ASH1L: variants seen among roughly 807,000 people sequenced by gnomAD.
ASH1L encodes the protein ASH1 like histone lysine methyltransferase, also known as histone-lysine N-methyltransferase ASH1L.
Under a neutral mutation model 269.0 loss-of-function variants are expected in ASH1L, and 23 were observed. That is an observed-to-expected ratio of 0.09 (90% CI 0.06 to 0.12). The LOEUF is 0.12. ASH1L is among the 10% of genes least tolerant of loss of function. ASH1L has a pLI of 1.00. For synonymous variants in ASH1L, 1,187 were observed against 1,253.5 expected (o/e 0.95, Z 1.12); for missense variants, 2,912 against 3,567.8 (o/e 0.82, Z 4.68).
At chr1:155,361,533 A>C (rs1372803837) in intron 12 of ASH1L, among the ~76,000 whole-genome samples, 9 of 146,928 alleles carry the variant, frequency 6.1e-5, no homozygotes, top group African/African-American at 2.3e-4. Flanking sequence ...AAAAAAAAAA[A>C]AAAAAAAAAA....
At chr1:155,507,190 G>T (rs1394338052) in intron 2 of ASH1L, among the ~76,000 whole-genome samples, 1 of 150,696 alleles carries the variant, frequency 6.6e-6, no homozygotes, top group Non-Finnish European at 1.5e-5. Context: ...TGAGGCAGGA[G>T]AATCGCTTGA....
chr1:155,450,940 G>A (rs1359716869), intron 4 of ASH1L, among the ~76,000 whole-genome samples: 1 of 152,200 alleles, frequency 6.6e-6, no homozygotes, highest in Non-Finnish European at 1.5e-5. Flanking sequence ...GCTCACACCT[G>A]TAATCCCAGC....
intron 1 of ASH1L, among the ~76,000 whole-genome samples, chr1:155,533,500 T>A (rs147388035): frequency 0.01 from 1,521 of 151,016 alleles, 26 homozygotes; most frequent in African/African-American, 0.035. Context: ...GATCATGAGG[T>A]CAGGAGTTTG....
At chr1:155,355,915 G>GTTTTTTTTTTTTTTTGCTTTTTTTTT (rs1654338359) in intron 15 of ASH1L, among the ~76,000 whole-genome samples, 1 of 116,156 alleles carries the variant, frequency 8.6e-6, no homozygotes, top group Admixed American at 8.6e-5. Flanking sequence ...CAGGTATTCT[G>GTTTTTTTTTTTTTTTGCTTTTTTTTT]TTTTTTTTTT....
chr1:155,436,954 A>G (rs1662150139), intron 5 of ASH1L, among the ~76,000 whole-genome samples: 1 of 152,152 alleles, frequency 6.6e-6, no homozygotes, highest in South Asian at 2.1e-4. Flanking sequence ...ACCCTGCTGA[A>G]TGGTTTTGGC....
chr1:155,471,027 C>T (rs888426219), intron 3 of ASH1L, among the ~76,000 whole-genome samples: 2 of 152,172 alleles, frequency 1.3e-5, no homozygotes, highest in African/African-American at 4.8e-5. Context: ...TTCTGCTTAA[C>T]TAAAAACTTT....
intron 12 of ASH1L, among the ~76,000 whole-genome samples, chr1:155,367,896 T>C (rs761967616): frequency 2.0e-5 from 3 of 152,214 alleles, no homozygotes; most frequent in Admixed American, 6.6e-5. Flanking sequence ...TCTATGTTCA[T>C]GGAACACACT....
rs1286721720 is a variant in ASH1L, at chr1:155,479,756, A to G, written c.3114T>C (p.Asn1038=). 1.9e-6 allele frequency: 3 copies of G among 1,614,060 alleles called. No homozygotes were observed. Among genetic ancestry groups the G allele is most frequent in the Admixed American group, 1.7e-5 (1 of 60,008 alleles). The change falls in exon 3 of 28, where the codon AAT becomes AAC. Residue 1038 remains asparagine, a synonymous_variant. Coordinates refer to ENST00000392403, the MANE Select transcript of ASH1L (RefSeq NM_018489.3). Reference sequence around the variant, plus strand: ...TATAAATGGTTCCTTTCTTGCTGACATTTATCTGTTGGCCCAATTTAGAGC... The same window carrying G: ...TATAAATGGTTCCTTTCTTGCTGACGTTTATCTGTTGGCCCAATTTAGAGC... ...TFGSKLGQQI[N]VSKKGTIYIG... is the part of the protein sequence containing the mutation.
At chr1:155,546,227 AG>A (rs143756758) in intron 1 of ASH1L, among the ~76,000 whole-genome samples, 3,023 of 150,070 alleles carry the variant, frequency 0.02, 101 homozygotes, top group African/African-American at 0.071. Flanking sequence ...GCTACGTGGT[AG>A]GCTGAGGCAG....
At chr1:155,516,730 C>T (rs997379166) in intron 2 of ASH1L, among the ~76,000 whole-genome samples, 1 of 151,770 alleles carries the variant, frequency 6.6e-6, no homozygotes, top group East Asian at 1.9e-4. Flanking sequence ...GCCACTGCCC[C>T]TCCAGCATGG....
chr1:155,348,973 T>C (rs1350448865), intron 19 of ASH1L, among the ~76,000 whole-genome samples: 1 of 151,728 alleles, frequency 6.6e-6, no homozygotes, highest in African/African-American at 2.4e-5. Context: ...TGCATATTTC[T>C]GTATATTTCA....
At chr1:155,496,183 ATT>A (rs1032793637) in intron 2 of ASH1L, among the ~76,000 whole-genome samples, 5 of 152,150 alleles carry the variant, frequency 3.3e-5, no homozygotes, top group Non-Finnish European at 7.4e-5. Flanking sequence ...AAATTTTTAA[ATT>A]TGTTTTTACC....
Position 155,372,136 on chromosome 1 carries a change from C to T in ASH1L, c.6333-1153G>A, listed in dbSNP as rs185717750. Among the ~76,000 whole-genome samples the T allele has an allele frequency of 1.4e-3, 205 of 150,304 alleles. 1 individual carries two copies. The highest frequency in any genetic ancestry group is 4.5e-3 in the African/African-American group (185 of 40,802). On this transcript the variant is annotated intron_variant, in intron 10 of 27. Coordinates refer to ENST00000392403, the MANE Select transcript of ASH1L (RefSeq NM_018489.3). ...CTACTGCCTTATCTGGGATTACAGGCGCATACCACAACACCCGGGTAATTT... is the reference window on the plus strand; with the variant it reads ...CTACTGCCTTATCTGGGATTACAGGTGCATACCACAACACCCGGGTAATTT...
intron 25 of ASH1L, among the ~76,000 whole-genome samples, chr1:155,341,672 A>G (rs1652832948): frequency 6.6e-6 from 1 of 152,174 alleles, no homozygotes; most frequent in African/African-American, 2.4e-5. Context: ...AATCTACAGA[A>G]TGGGGCTCGC....
rs765775951 is a variant in ASH1L at position 155,336,415 on chromosome 1, ACAC to A, written c.*1242_*1244del. ...TACACACATATATATACACACACACACACAACTTGGCACATTTAAAAACCATCT... is the reference window on the plus strand; with the variant it reads ...TACACACATATATATACACACACACAAACTTGGCACATTTAAAAACCATCT... On this transcript the variant is annotated 3_prime_UTR_variant, in exon 28 of 28. Coordinates refer to ENST00000392403, the MANE Select transcript of ASH1L (RefSeq NM_018489.3). The A allele has an allele frequency of 3.9e-5, 6 of 152,658 alleles. No individual in the cohort carries two copies. Among genetic ancestry groups the A allele is most frequent in the South Asian group, 2.1e-4 (1 of 4,828 alleles). 9.5% of individuals were successfully genotyped at this position (152,658 alleles called of 1,614,324 possible). A position where few individuals can be genotyped will look rare whatever the true frequency, so the allele number is the denominator to read the frequency against.
rs150340214 is a variant in ASH1L, at chr1:155,375,585, G to A, written c.6332+2696C>T. On this transcript the variant is annotated intron_variant, in intron 10 of 27. Transcript: ENST00000392403. The stretch of plus-strand genomic sequence containing the variant: ...GAGGATCACCTGAGGTCAGGAGTTC[G>A]AGACCAGCGTGGTCAACATGGCAAA... Among the ~76,000 whole-genome samples the A allele has an allele frequency of 6.1e-3, 931 of 152,132 alleles. 9 individuals carry two copies. The highest frequency in any genetic ancestry group is 0.022 in the African/African-American group (906 of 41,490).
At chr1:155,345,257 T>G (rs1406580114) in intron 21 of ASH1L, among the ~76,000 whole-genome samples, 1 of 149,618 alleles carries the variant, frequency 6.7e-6, no homozygotes, top group Non-Finnish European at 1.5e-5. Context: ...CTTGGCTCAT[T>G]GCAACCTCTG....
chr1:155,513,663 A>G (rs908965516), intron 2 of ASH1L, among the ~76,000 whole-genome samples: 10 of 152,092 alleles, frequency 6.6e-5, no homozygotes, highest in Admixed American at 1.3e-4. Flanking sequence ...ACGACCAAAA[A>G]TTCCACTTCC....
At chr1:155,540,626 G>A (rs1670364334) in intron 1 of ASH1L, among the ~76,000 whole-genome samples, 1 of 152,114 alleles carries the variant, frequency 6.6e-6, no homozygotes, top group African/African-American at 2.4e-5. Context: ...AAAATTAGCT[G>A]GATATGGTGG....
Sources: gnomAD v4.1 joint callset for allele counts (sites outside exome capture counted in the v4.1 genomes callset) on GRCh38, gnomAD v4.1.1 for gene constraint, MANE v1.5 for transcripts, NCBI Gene and HGNC (gene_info 2026-07-23, HGNC 2026-07-21) for gene names.